QPCT: variants seen among roughly 807,000 people sequenced by gnomAD.
The protein encoded by QPCT is EC.
A neutral mutation model predicts 43.4 loss-of-function variants in QPCT; 44 were observed. That is an observed-to-expected ratio of 1.01 (90% confidence interval 0.80 to 1.30). QPCT has a LOEUF of 1.30. QPCT is among the 50% of genes most tolerant of loss of function. The pLI is 0.00. For missense variants in QPCT, 526 were observed against 436.5 expected, an observed-to-expected ratio of 1.21 and a Z score of -1.83; for synonymous variants, 168 against 168.4, an observed-to-expected ratio of 1.00 and a Z score of 0.02.
intron 1 of QPCT, among the ~76,000 whole-genome samples, chr2:37,347,144 TTATA>T (rs10558124): frequency 5.4e-5 from 3 of 55,316 alleles, no homozygotes; most frequent in Non-Finnish European, 8.6e-5. Flanking sequence ...ATGGGGTGTT[TTATA>T]TATATATATA....
intron 1 of QPCT, among the ~76,000 whole-genome samples, chr2:37,347,231 C>CATATATATATAACACATAT (rs764663825): frequency 1.8e-5 from 1 of 55,636 alleles, no homozygotes; most frequent in African/African-American, 8.9e-5. Context: ...ATATATATAA[C>CATATATATATAACACATAT]ATATATATAT....
chr2:37,356,527 A>G (rs1458810329), intron 2 of QPCT, among the ~76,000 whole-genome samples: 3 of 152,156 alleles, frequency 2.0e-5, no homozygotes, highest in Non-Finnish European at 4.4e-5. Context: ...GGGTATTTGA[A>G]TGATAGTAGT....
rs751182933 is a variant in QPCT, at chr2:37,367,193, A to T, written c.547-39A>T. 14 of 1,555,616 alleles carry T rather than the reference A, an allele frequency of 9.0e-6. No homozygotes were observed. The South Asian group carries it at 1.4e-4, about 15-fold the overall frequency. Reference sequence around the variant, plus strand: ...AAATCATGCTATTTTTCATCATCACAGTATTTTTTTGCTATGTTTTTATTG... The same window carrying T: ...AAATCATGCTATTTTTCATCATCACTGTATTTTTTTGCTATGTTTTTATTG... On this transcript the variant is annotated intron_variant, in intron 3 of 6. Transcript: ENST00000338415.
intron 1 of QPCT, among the ~76,000 whole-genome samples, chr2:37,351,610 G>A (rs902142608): frequency 2.0e-4 from 31 of 152,116 alleles, no homozygotes; most frequent in African/African-American, 6.3e-4. Context: ...GGCTGGGTGC[G>A]GTGGCTCATG....
chr2:37,359,930 C>T, intron 3 of QPCT, 72 bp downstream of exon 3: 1 of 1,478,440 alleles, frequency 6.8e-7, no homozygotes, highest in Non-Finnish European at 9.2e-7. Flanking sequence ...TTCTAGAATC[C>T]TTGGAGGAAT....
chr2:37,344,784 T>C lies in QPCT; in HGVS notation c.53T>C (p.Leu18Pro). The C allele has an allele frequency of 3.7e-6, 6 of 1,610,034 alleles. No individual in the cohort carries two copies. Among genetic ancestry groups the C allele is most frequent in the Non-Finnish European group, 5.1e-6 (6 of 1,178,872 alleles). The change falls in exon 1 of 7, where the codon CTG (leucine) becomes CCG (proline). Residue 18 changes from leucine (L) to proline (P), a missense_variant. Coordinates refer to ENST00000338415, the MANE Select transcript of QPCT (RefSeq NM_012413.4). ...RVVGTLHLLL[L>P]VAALPWASRG... ...GTGGGCACCCTCCACCTGCTGCTGC[T>C]GGTGGCCGCCCTGCCCTGGGCATCC...
rs769947960 is a variant in QPCT, at chr2:37,352,804, G to C, written c.136G>C (p.Ala46Pro). The change falls in exon 2 of 7, where the codon GCC becomes CCC. Residue 46 changes from alanine to proline, a missense_variant. By Grantham distance (27) the Ala-to-Pro change is conservative. Coordinates refer to ENST00000338415, the MANE Select transcript of QPCT (RefSeq NM_012413.4). The stretch of plus-strand genomic sequence containing the variant: ...CAATCCTCAGAATTACCACCAGCCA[G>C]CCATTTTGAATTCATCGGCTCTTCG... ...WPEEKNYHQP[A>P]ILNSSALRQI... The C allele has an allele frequency of 2.5e-6, 4 of 1,613,882 alleles. No homozygotes were observed. The East Asian group carries it at 8.9e-5, about 36-fold the overall frequency.
chr2:37,368,832 T>A (rs899596161), intron 4 of QPCT, among the ~76,000 whole-genome samples: 7 of 152,236 alleles, frequency 4.6e-5, no homozygotes, highest in African/African-American at 1.4e-4. Context: ...ATTTGTTGAA[T>A]GAAGATCATT....
chr2:37,350,058 T>C (rs1460181526), intron 1 of QPCT, among the ~76,000 whole-genome samples: 2 of 152,040 alleles, frequency 1.3e-5, no homozygotes, highest in Non-Finnish European at 2.9e-5. Flanking sequence ...AAGACAGACA[T>C]TAAACAAGTA....
chr2:37,367,347 C>G lies in QPCT; in HGVS notation c.662C>G (p.Ala221Gly). The G allele has an allele frequency of 1.2e-6, 2 of 1,614,042 alleles. No individual in the cohort carries two copies. Among genetic ancestry groups the G allele is most frequent in the Non-Finnish European group, 1.7e-6 (2 of 1,179,958 alleles). The stretch of plus-strand genomic sequence containing the variant: ...CTCTATGGGTCTCGACACTTAGCTG[C>G]AAAGATGGCATCGACCCCGCACCCA... Reference protein sequence around the residue: ...DSLYGSRHLAAKMASTPHPPG... With the variant: ...DSLYGSRHLAGKMASTPHPPG... The change falls in exon 4 of 7, where the codon GCA becomes GGA. Residue 221 changes from alanine to glycine, a missense_variant. Transcript: ENST00000338415.
At chr2:37,371,431 CAAAAAAA>C (rs3050580) in intron 5 of QPCT, among the ~76,000 whole-genome samples, 1 of 69,382 alleles carries the variant, frequency 1.4e-5, no homozygotes, top group Non-Finnish European at 2.9e-5. Context: ...GACTCCATCT[CAAAAAAA>C]AAAAAAAAAA....
At chr2:37,347,980 C>T (rs1020665842) in intron 1 of QPCT, among the ~76,000 whole-genome samples, 2 of 152,166 alleles carry the variant, frequency 1.3e-5, no homozygotes, top group Admixed American at 6.5e-5. Context: ...ACTAATGTCA[C>T]CCATAACCCC....
chr2:37,359,282 C>T (rs1246221540), intron 2 of QPCT, among the ~76,000 whole-genome samples: 4 of 152,038 alleles, frequency 2.6e-5, no homozygotes, highest in Admixed American at 6.5e-5. Context: ...GAAGATATGT[C>T]GAAAGATCTG....
chr2:37,347,176 TATAACATATATATATAA>T (rs1672513979), intron 1 of QPCT, among the ~76,000 whole-genome samples: 1 of 88,248 alleles, frequency 1.1e-5, no homozygotes, highest in Non-Finnish European at 2.1e-5. Context: ...CATATATATA[TATAACATATATATATAA>T]CATATATATA....
At chr2:37,348,215 C>G (rs552054058) in intron 1 of QPCT, among the ~76,000 whole-genome samples, 1 of 152,016 alleles carries the variant, frequency 6.6e-6, no homozygotes, top group Non-Finnish European at 1.5e-5. Context: ...GCCTTACCAT[C>G]TAGTTGGTAA....
At chr2:37,345,067 G>A (rs548609070) in intron 1 of QPCT, among the ~76,000 whole-genome samples, 1 of 152,186 alleles carries the variant, frequency 6.6e-6, no homozygotes, top group African/African-American at 2.4e-5. Context: ...GAGACGCCAG[G>A]GGGGCTGGGT....
chr2:37,346,316 A>T (rs533830738), intron 1 of QPCT, among the ~76,000 whole-genome samples: 1 of 152,258 alleles, frequency 6.6e-6, no homozygotes. Flanking sequence ...ATGGGGGCCC[A>T]TGAAGAAGAA....
chr2:37,348,602 A>C (rs961539552), intron 1 of QPCT, among the ~76,000 whole-genome samples: 1 of 152,210 alleles, frequency 6.6e-6, no homozygotes, highest in African/African-American at 2.4e-5. Context: ...GGAACCTCAA[A>C]ACCCTTTGCA....
At chr2:37,369,615 G>A in intron 4 of QPCT, 70 bp from the exon 5 acceptor site, 2 of 1,157,092 alleles carry the variant, frequency 1.7e-6, no homozygotes, top group Non-Finnish European at 2.6e-6. Flanking sequence ...TTGACTGATT[G>A]TATTTCCCTG....
Sources: allele counts gnomAD v4.1 joint callset (sites outside exome capture counted in the v4.1 genomes callset), GRCh38; gene constraint gnomAD v4.1.1; transcripts MANE v1.5; gene names NCBI Gene and HGNC (gene_info 2026-07-23, HGNC 2026-07-21).